The following PREPL variants were observed in gnomAD, a reference collection of about 807,000 sequenced individuals.
PREPL encodes prolyl endopeptidase-like.
A neutral mutation model predicts 70.6 loss-of-function variants in PREPL; 77 were observed. The ratio of observed to expected loss-of-function variants is 1.09; its 90% CI spans 0.91 to 1.32. PREPL has a LOEUF of 1.32. Among genes scored for constraint, PREPL ranks in the 40% most tolerant of loss-of-function variants. The probability of loss-of-function intolerance (pLI) is 0.00; values close to 1 mark genes in which losing one functional copy is unlikely to be tolerated. For missense variants in PREPL, 1,002 were observed against 778.2 expected (o/e 1.29, Z -3.42); for synonymous variants, 315 against 264.8 (o/e 1.19, Z -1.84).
chr2:44,321,105 C>G lies in PREPL; in HGVS notation c.*251G>C, dbSNP rs1572833604. 1 of 461,136 alleles carries G rather than the reference C, an allele frequency of 2.2e-6. No homozygotes were observed. The highest frequency in any genetic ancestry group is 2.7e-5 in the South Asian group (1 of 37,562). The allele number at this position is 461,136 out of a possible 1,614,324, so 28.6% of individuals were successfully genotyped here. The stretch of plus-strand genomic sequence containing the variant: ...CTGCTATCACCAATCCTTCCCTTCC[C>G]TCTACTCCACATCCTTCTAAGGAGC... On this transcript the variant is annotated 3_prime_UTR_variant, in exon 14 of 14. Coordinates refer to ENST00000409411, the MANE Select transcript of PREPL (RefSeq NM_001171613.2).
chr2:44,323,222 T>A lies in PREPL; in HGVS notation c.1629+40A>T, dbSNP rs750421770. The A allele has an allele frequency of 1.3e-5, 19 of 1,519,440 alleles. 1 individual carries two copies. In the East Asian group the frequency reaches 4.1e-4, roughly 33 times the overall value. The allele number at this position is 1,519,440 out of a possible 1,614,324, so 94.1% of individuals were successfully genotyped here. On this transcript the variant is annotated intron_variant, in intron 11 of 13. Transcript: ENST00000409411. ...TAAGTTTTTTTTTTATTATCTTCTG[T>A]GTAAATTCAGGATAATCTAACACAA...
chr2:44,349,842 T>G (rs1051540202), intron 1 of PREPL, among the ~76,000 whole-genome samples: 2 of 152,180 alleles, frequency 1.3e-5, no homozygotes, highest in Non-Finnish European at 2.9e-5. Flanking sequence ...GTGAATCTAT[T>G]TGAAAATAAA....
At chr2:44,338,785 C>T (rs1405373742) in intron 6 of PREPL, among the ~76,000 whole-genome samples, 1 of 152,176 alleles carries the variant, frequency 6.6e-6, no homozygotes, top group East Asian at 1.9e-4. Context: ...AGGGCACTGA[C>T]AGCTAGCTGA....
At chr2:44,322,923 G>C (rs1278233815) in intron 11 of PREPL, 69 bp from the exon 12 acceptor site, 2 of 1,542,778 alleles carry the variant, frequency 1.3e-6, no homozygotes, top group Non-Finnish European at 1.7e-6. Context: ...TAGAGACTAT[G>C]AAAAATAATT....
intron 1 of PREPL, among the ~76,000 whole-genome samples, 187 bp from the exon 2 acceptor site, chr2:44,346,577 T>TA (rs35182028): frequency 6.6e-6 from 1 of 152,220 alleles, no homozygotes; most frequent in East Asian, 1.9e-4. Flanking sequence ...TCTTTTTCGT[T>TA]AAAAAAAGTA....
chr2:44,331,738 T>A (rs1255370652), intron 8 of PREPL, among the ~76,000 whole-genome samples: 2 of 152,176 alleles, frequency 1.3e-5, no homozygotes, highest in Admixed American at 1.3e-4. Flanking sequence ...ACATTATTAA[T>A]GACTTTTTAA....
At chr2:44,360,819 T>TA (rs1677670829) in intron 1 of PREPL, 1 of 152,212 alleles carries the variant, frequency 6.6e-6, no homozygotes, top group African/African-American at 2.4e-5. Context: ...ACGACAGGAA[T>TA]AATCTAGGTA....
chr2:44,322,231 CAAATG>C (rs958403993), intron 12 of PREPL, among the ~76,000 whole-genome samples: 39 of 152,054 alleles, frequency 2.6e-4, no homozygotes, highest in African/African-American at 8.7e-4. Context: ...ATGGGGGTGA[CAAATG>C]GAGATGAATA....
At chr2:44,359,783 T>A in intron 1 of PREPL, 1 of 1,142,434 alleles carries the variant, frequency 8.8e-7, no homozygotes, top group Non-Finnish European at 1.3e-6. Context: ...ATAGGTATGA[T>A]TACAGAGTAG....
chr2:44,322,879 A>G, intron 11 of PREPL, 25 bp from the exon 12 acceptor site: 1 of 1,608,866 alleles, frequency 6.2e-7, no homozygotes, highest in Admixed American at 1.7e-5. Context: ...ATGCACGAAG[A>G]GTTTACATTA....
intron 10 of PREPL, among the ~76,000 whole-genome samples, chr2:44,325,213 C>A (rs1451613119): frequency 6.6e-6 from 1 of 152,210 alleles, no homozygotes; most frequent in Admixed American, 6.5e-5. Context: ...TGACTTGGGT[C>A]TATCAACCAG....
intron 12 of PREPL, 125 bp from the exon 13 acceptor site, chr2:44,322,025 A>G (rs1673012609): frequency 2.1e-6 from 2 of 947,824 alleles, no homozygotes; most frequent in African/African-American, 1.7e-5. Context: ...TAAAAAGCAA[A>G]AACCACCATC....
In PREPL at chr2:44,359,707, C is replaced by T. The variant is rs757367125; in HGVS notation, c.-49+1673G>A. On this transcript the variant is annotated intron_variant, in intron 1 of 13. Transcript: ENST00000409411. ...AAGCTTGGAGAAATAATTTGGTCTT[C>T]TGCTGCATGATATCAAAGTCCCTGG... The T allele has an allele frequency of 1.2e-6, 2 of 1,606,706 alleles. No homozygotes were observed. Among genetic ancestry groups the T allele is most frequent in the Non-Finnish European group, 1.7e-6 (2 of 1,173,556 alleles).
intron 7 of PREPL, among the ~76,000 whole-genome samples, chr2:44,334,082 T>C (rs996407311): frequency 2.6e-5 from 4 of 152,214 alleles, no homozygotes; most frequent in Non-Finnish European, 4.4e-5. Context: ...ATAAAAACTG[T>C]TTCAAGGCTA....
chr2:44,342,603 A>AG (rs1675354314), intron 4 of PREPL, 51 bp from the exon 5 acceptor site: 3 of 1,258,654 alleles, frequency 2.4e-6, no homozygotes, highest in Non-Finnish European at 3.3e-6. Context: ...ACTCCATTAA[A>AG]AAAAAAAAAA....
intron 9 of PREPL, 32 bp downstream of exon 9, chr2:44,328,905 A>G: frequency 1.3e-6 from 2 of 1,586,652 alleles, no homozygotes; most frequent in Non-Finnish European, 1.7e-6. Context: ...ATGGTCTAGC[A>G]CTTACATGCC....
At chr2:44,337,546 T>C (rs182432673) in intron 7 of PREPL, among the ~76,000 whole-genome samples, 29 of 152,316 alleles carry the variant, frequency 1.9e-4, no homozygotes, top group Non-Finnish European at 2.8e-4. Context: ...TTTAAGAATA[T>C]TGGAGTTAGG....
chr2:44,343,456 T>C (rs1292225494), intron 4 of PREPL, among the ~76,000 whole-genome samples: 1 of 152,202 alleles, frequency 6.6e-6, no homozygotes, highest in African/African-American at 2.4e-5. Context: ...TAAAAATTTA[T>C]TCTAGATAAT....
rs886892914 is a variant in PREPL at position 44,318,992 on chromosome 2, T to C, written c.*2364A>G. 1.3e-5 allele frequency: 2 copies of C among 152,182 alleles called. No individual in the cohort carries two copies. The highest frequency in any genetic ancestry group is 1.3e-4 in the Admixed American group (2 of 15,266). 9.4% of individuals were successfully genotyped at this position (152,182 alleles called of 1,614,324 possible). On this transcript the variant is annotated 3_prime_UTR_variant, in exon 14 of 14. Transcript: ENST00000409411. Reference sequence around the variant, plus strand: ...AAGTAGTAACTCAAGTAGACAATAATAGCTAACACTTACCGGGCACTTCTT... The same window carrying C: ...AAGTAGTAACTCAAGTAGACAATAACAGCTAACACTTACCGGGCACTTCTT...
Sources: gnomAD v4.1 joint callset for allele counts (sites outside exome capture counted in the v4.1 genomes callset) on GRCh38, gnomAD v4.1.1 for gene constraint, MANE v1.5 for transcripts, NCBI Gene and HGNC (gene_info 2026-07-23, HGNC 2026-07-21) for gene names.